The following MYRIP variants were observed in gnomAD, a reference collection of about 807,000 sequenced individuals.
The protein encoded by MYRIP is rab effector MyRIP.
MYRIP carries 49 observed loss-of-function variants against 98.0 expected under a neutral mutation model. The ratio of observed to expected loss-of-function variants is 0.50; its 90% CI spans 0.40 to 0.63. The LOEUF is 0.63. Among genes scored for constraint, MYRIP ranks in the 30% least tolerant of loss-of-function variants. The pLI, the probability that MYRIP is intolerant of heterozygous loss-of-function variation, is 0.00. For synonymous variants in MYRIP, 404 were observed against 409.5 expected (o/e 0.99, Z 0.16); for missense variants, 1,004 against 1,058.2 (o/e 0.95, Z 0.71).
intron 1 of MYRIP, among the ~76,000 whole-genome samples, chr3:39,860,286 A>ATG (rs1436803809): frequency 2.0e-5 from 3 of 152,158 alleles, no homozygotes; most frequent in Non-Finnish European, 4.4e-5. Context: ...CAAAACCCCC[A>ATG]TGAACACTTG....
intron 12 of MYRIP, chr3:40,242,380 T>C (rs944933893): frequency 1.3e-5 from 2 of 151,788 alleles, no homozygotes; most frequent in Non-Finnish European, 2.9e-5. Flanking sequence ...AACCACTAAA[T>C]CTCTTCTGCC....
rs76587290 is a variant in MYRIP, at chr3:40,169,897, G to A, written c.730-53G>A. 5.8e-5 allele frequency: 93 copies of A among 1,610,256 alleles called. No homozygotes were observed. In the East Asian group the frequency reaches 2.1e-3, roughly 36 times the overall value. ...AAGATGGTCCCAGTTACTCCACATA[G>A]CATCAGGAGGCCTCTCCAATAACTT... On this transcript the variant is annotated intron_variant, in intron 7 of 16. Transcript: ENST00000302541.
intron 3 of MYRIP, among the ~76,000 whole-genome samples, chr3:40,066,178 G>T (rs1948122557): frequency 6.6e-6 from 1 of 152,142 alleles, no homozygotes. Context: ...TCTCTGATGA[G>T]CCCAGGAAGT....
At chr3:39,914,529 C>G (rs7615741) in intron 2 of MYRIP, among the ~76,000 whole-genome samples, 9,281 of 152,042 alleles carry the variant, frequency 0.061, 751 homozygotes, top group African/African-American at 0.18. Context: ...CTAAATACAT[C>G]TAAACAATAA....
At position 40,091,224 on chromosome 3, in the gene MYRIP, A is replaced by G. The variant is rs150220313; in HGVS notation, c.332+46953A>G. Among the ~76,000 whole-genome samples the G allele has an allele frequency of 2.4e-3, 361 of 149,138 alleles. 9 individuals carry two copies. In the East Asian group the frequency reaches 0.052, roughly 21 times the overall value. On this transcript the variant is annotated intron_variant, in intron 3 of 16. Coordinates refer to ENST00000302541, the MANE Select transcript of MYRIP (RefSeq NM_015460.4). ...GGGGTCAACTATTAACTGAGAGGGTAGAGTAGAAGAGGGTCTGGCTATGAG... is the reference window on the plus strand; with the variant it reads ...GGGGTCAACTATTAACTGAGAGGGTGGAGTAGAAGAGGGTCTGGCTATGAG...
chr3:40,028,788 TAC>T (rs138283601), intron 2 of MYRIP, among the ~76,000 whole-genome samples: 1,852 of 152,248 alleles, frequency 0.012, 26 homozygotes, highest in African/African-American at 0.042. Context: ...TTATAAGTCA[TAC>T]TATACAATTC....
chr3:39,921,508 A>G (rs964591809), intron 2 of MYRIP, among the ~76,000 whole-genome samples: 2 of 152,198 alleles, frequency 1.3e-5, no homozygotes, highest in Admixed American at 1.3e-4. Flanking sequence ...AAACTGAGAG[A>G]TGAATTTGCA....
intron 1 of MYRIP, among the ~76,000 whole-genome samples, chr3:39,821,388 T>G (rs1367178148): frequency 6.6e-6 from 1 of 151,754 alleles, no homozygotes; most frequent in African/African-American, 2.4e-5. Context: ...ACCAGAGTTT[T>G]TACTGGTTCT....
chr3:40,020,508 T>C (rs540791148), intron 2 of MYRIP, among the ~76,000 whole-genome samples: 81 of 152,324 alleles, frequency 5.3e-4, no homozygotes, highest in South Asian at 8.3e-4. Flanking sequence ...AGATGAACAT[T>C]AAAGACAGGA....
At chr3:40,054,280 C>A (rs9822454) in intron 3 of MYRIP, among the ~76,000 whole-genome samples, 3 of 151,914 alleles carry the variant, frequency 2.0e-5, no homozygotes, top group Non-Finnish European at 4.4e-5. Flanking sequence ...GAAGCTTTAC[C>A]TTGGTATACA....
chr3:40,145,274 G>T (rs1160557769), intron 3 of MYRIP, among the ~76,000 whole-genome samples: 1 of 152,124 alleles, frequency 6.6e-6, no homozygotes, highest in East Asian at 1.9e-4. Flanking sequence ...TTTTGGCACA[G>T]TACCTCAGAC....
chr3:39,886,373 A>G (rs1943304348), intron 1 of MYRIP, among the ~76,000 whole-genome samples: 2 of 151,042 alleles, frequency 1.3e-5, no homozygotes. Context: ...TAAATGCTCC[A>G]ATTAAAAGAC....
intron 11 of MYRIP, among the ~76,000 whole-genome samples, chr3:40,226,750 A>C (rs780213299): frequency 1.3e-5 from 2 of 152,152 alleles, no homozygotes; most frequent in Non-Finnish European, 2.9e-5. Context: ...AAGGCAAATG[A>C]TGCACTTATC....
intron 3 of MYRIP, among the ~76,000 whole-genome samples, chr3:40,047,191 G>T (rs1004066756): frequency 5.9e-5 from 9 of 152,216 alleles, no homozygotes; most frequent in Admixed American, 4.6e-4. Flanking sequence ...GGAAAAATAA[G>T]TTGTAAAAAA....
At chr3:40,208,878 C>G (rs761119705) in intron 10 of MYRIP, 5 of 152,218 alleles carry the variant, frequency 3.3e-5, no homozygotes, top group African/African-American at 4.8e-5. Context: ...TAGCCAATGC[C>G]TCTTCCTCTC....
intron 7 of MYRIP, among the ~76,000 whole-genome samples, chr3:40,168,006 G>A (rs1392082493): frequency 7.2e-5 from 11 of 152,204 alleles, no homozygotes; most frequent in Admixed American, 6.5e-4. Context: ...GTTTCAGTAT[G>A]TAGGCAGGAT....
chr3:40,065,429 A>G (rs1245764937), intron 3 of MYRIP, among the ~76,000 whole-genome samples: 2 of 151,694 alleles, frequency 1.3e-5, no homozygotes, highest in Non-Finnish European at 2.9e-5. Flanking sequence ...GCATAATTCA[A>G]CCCACAACAT....
intron 3 of MYRIP, among the ~76,000 whole-genome samples, chr3:40,119,990 C>T (rs1949365901): frequency 6.6e-6 from 1 of 151,926 alleles, no homozygotes; most frequent in Non-Finnish European, 1.5e-5. Flanking sequence ...TCACCATTAG[C>T]CAGCGATGTA....
chr3:40,131,648 T>C (rs1949643946), intron 3 of MYRIP, among the ~76,000 whole-genome samples: 1 of 152,186 alleles, frequency 6.6e-6, no homozygotes, highest in Admixed American at 6.5e-5. Flanking sequence ...CGTATGTTTT[T>C]GCAATTTGAA....
Sources: gnomAD v4.1 joint callset for allele counts (sites outside exome capture counted in the v4.1 genomes callset) on GRCh38, gnomAD v4.1.1 for gene constraint, MANE v1.5 for transcripts, NCBI Gene and HGNC (gene_info 2026-07-23, HGNC 2026-07-21) for gene names.